Variants in C8B observed in about 807,000 individuals in gnomAD.
The protein encoded by C8B is complement component C8 beta chain.
In C8B, 67 loss-of-function variants were observed where a neutral mutation model predicts 64.6. That is an observed-to-expected ratio of 1.04 (90% confidence interval 0.85 to 1.27). The LOEUF (loss-of-function observed/expected upper bound fraction) is 1.27. C8B is among the 50% of genes most tolerant of loss of function. C8B has a pLI of 0.00. For synonymous variants in C8B, 284 were observed against 257.7 expected (o/e 1.10, Z -0.98); for missense variants, 790 against 725.2 (o/e 1.09, Z -1.03).
intron 4 of C8B, among the ~76,000 whole-genome samples, chr1:56,953,544 C>A (rs1363106521): frequency 1.3e-5 from 2 of 152,194 alleles, no homozygotes; most frequent in African/African-American, 4.8e-5. Context: ...GTGGACTGGA[C>A]TTTGAAATCT....
At chr1:56,941,342 G>T (rs1343576481) in intron 8 of C8B, among the ~76,000 whole-genome samples, 2 of 152,138 alleles carry the variant, frequency 1.3e-5, no homozygotes, top group African/African-American at 2.4e-5. Context: ...TAGGTAGATA[G>T]GTAGATAATA....
chr1:56,965,998 G>T lies in C8B; in HGVS notation c.-50C>A. On this transcript the variant is annotated 5_prime_UTR_variant, in exon 1 of 12. Transcript: ENST00000371237. The stretch of plus-strand genomic sequence containing the variant: ...ACAGAGGCTGCTAGACCCATAACAA[G>T]CCTGTGCTGTGAGTGCCACTGTCAG... 1 of 1,612,374 alleles carries T rather than the reference G, an allele frequency of 6.2e-7. No individual in the cohort carries two copies. Among genetic ancestry groups the T allele is most frequent in the Admixed American group, 1.7e-5 (1 of 60,002 alleles).
chr1:56,956,617 T>A, intron 3 of C8B, 152 bp downstream of exon 3: 1 of 778,444 alleles, frequency 1.3e-6, no homozygotes, highest in Non-Finnish European at 2.3e-6. Context: ...AAATAATGCA[T>A]GTGAAAGGAG....
intron 10 of C8B, 39 bp from the exon 11 acceptor site, chr1:56,931,917 G>GAGTTCTTTGCTCCACC: frequency 6.8e-7 from 1 of 1,468,534 alleles, no homozygotes; most frequent in Non-Finnish European, 9.5e-7. Context: ...ATCATGCCAG[G>GAGTTCTTTGCTCCACC]TGGAGCAAAG....
intron 7 of C8B, among the ~76,000 whole-genome samples, chr1:56,944,138 G>C (rs1261035402): frequency 2.0e-5 from 3 of 152,182 alleles, no homozygotes; most frequent in Admixed American, 1.3e-4. Flanking sequence ...TCTAGGGATA[G>C]ATCCAGTGAG....
rs146453844 is a variant in C8B, at chr1:56,946,528, A to G, written c.865-467T>C. On this transcript the variant is annotated intron_variant, in intron 6 of 11. Coordinates refer to ENST00000371237, the MANE Select transcript of C8B (RefSeq NM_000066.4). ...CAAAATACAGCCTCATACCAAACTC[A>G]GTACCTGTACCTGTAAATAAAGTTT... Among the ~76,000 whole-genome samples the G allele has an allele frequency of 4.4e-3, 675 of 152,338 alleles. 1 individual carries two copies. The highest frequency in any genetic ancestry group is 7.4e-3 in the Non-Finnish European group (502 of 68,016).
At chr1:56,964,269 G>C (rs141948377) in intron 1 of C8B, among the ~76,000 whole-genome samples, 26 of 152,180 alleles carry the variant, frequency 1.7e-4, no homozygotes, top group African/African-American at 4.8e-4. Flanking sequence ...ATATTTGATC[G>C]TGTCACTCCT....
At chr1:56,937,018 A>T (rs537789684) in intron 9 of C8B, among the ~76,000 whole-genome samples, 42 of 152,350 alleles carry the variant, frequency 2.8e-4, no homozygotes, top group African/African-American at 9.9e-4. Context: ...GGACCAGAGT[A>T]ATTTGCTTTG....
At chr1:56,962,683 C>A (rs560299322) in intron 1 of C8B, among the ~76,000 whole-genome samples, 1 of 152,322 alleles carries the variant, frequency 6.6e-6, no homozygotes, top group East Asian at 1.9e-4. Flanking sequence ...TGCTTCAAGT[C>A]TTTTTGTAAA....
intron 6 of C8B, among the ~76,000 whole-genome samples, chr1:56,947,429 C>A (rs367954837): frequency 1.7e-4 from 26 of 152,216 alleles, no homozygotes; most frequent in Non-Finnish European, 1.5e-4. Context: ...TTTGCACATG[C>A]TGTTCCTTCT....
At chr1:56,962,391 A>G (rs1645191908) in intron 1 of C8B, among the ~76,000 whole-genome samples, 2 of 152,198 alleles carry the variant, frequency 1.3e-5, no homozygotes, top group Admixed American at 6.5e-5. Flanking sequence ...CTAGGATTAA[A>G]CAGCATCTTT....
At chr1:56,941,095 G>C in intron 8 of C8B, 83 bp from the exon 9 acceptor site, 2 of 1,460,720 alleles carry the variant, frequency 1.4e-6, no homozygotes, top group Non-Finnish European at 1.9e-6. Context: ...AACAATTTGG[G>C]TACACCATAT....
At chr1:56,941,554 T>C (rs370720146) in intron 8 of C8B, among the ~76,000 whole-genome samples, 6 of 149,394 alleles carry the variant, frequency 4.0e-5, no homozygotes, top group African/African-American at 1.2e-4. Flanking sequence ...AGATAGATAA[T>C]AGACAGACAG....
At chr1:56,944,782 G>A (rs1304378640) in intron 7 of C8B, among the ~76,000 whole-genome samples, 2 of 152,218 alleles carry the variant, frequency 1.3e-5, no homozygotes, top group African/African-American at 4.8e-5. Flanking sequence ...AGGCCACACT[G>A]TAAAAATTTA....
intron 10 of C8B, among the ~76,000 whole-genome samples, chr1:56,932,423 C>T (rs1305297101): frequency 1.3e-5 from 2 of 152,188 alleles, no homozygotes; most frequent in Admixed American, 6.5e-5. Context: ...ATCCCAGTCT[C>T]TGGCTCCATA....
intron 2 of C8B, among the ~76,000 whole-genome samples, chr1:56,958,326 A>G (rs766462057): frequency 6.6e-6 from 1 of 152,208 alleles, no homozygotes; most frequent in Non-Finnish European, 1.5e-5. Context: ...GCAGGATGAC[A>G]TTAATAAGGC....
intron 4 of C8B, among the ~76,000 whole-genome samples, chr1:56,954,086 C>T (rs990343518): frequency 4.6e-5 from 7 of 152,084 alleles, no homozygotes; most frequent in African/African-American, 1.7e-4. Flanking sequence ...CTCCCTCTTC[C>T]ACCTGCAGGC....
intron 6 of C8B, among the ~76,000 whole-genome samples, chr1:56,949,177 A>G (rs1644984865): frequency 6.6e-6 from 1 of 152,166 alleles, no homozygotes. Flanking sequence ...TGCCATTGTA[A>G]CAGTTTTGAA....
chr1:56,963,221 A>T (rs546228057), intron 1 of C8B, among the ~76,000 whole-genome samples: 1 of 152,256 alleles, frequency 6.6e-6, no homozygotes, highest in African/African-American at 2.4e-5. Flanking sequence ...GGCGTCTCTG[A>T]TCAAAATAAA....
Sources: gnomAD v4.1 joint callset for allele counts (sites outside exome capture counted in the v4.1 genomes callset) on GRCh38, gnomAD v4.1.1 for gene constraint, MANE v1.5 for transcripts, NCBI Gene and HGNC (gene_info 2026-07-23, HGNC 2026-07-21) for gene names.